The following ABCC5 variants were observed in gnomAD, a reference collection of about 807,000 sequenced individuals.
ABCC5 encodes the protein ATP binding cassette subfamily C member 5.
ABCC5 carries 61 observed loss-of-function variants against 160.9 expected under a neutral mutation model. The ratio of observed to expected loss-of-function variants is 0.38; its 90% CI spans 0.31 to 0.47. The LOEUF is 0.47. Among genes scored for constraint, ABCC5 ranks in the 20% least tolerant of loss-of-function variants. The pLI is 0.99. For synonymous variants in ABCC5, 666 were observed against 700.6 expected (o/e 0.95, Z 0.78); for missense variants, 1,308 against 1,813.3 (o/e 0.72, Z 5.06).
chr3:183,990,220 T>A (rs1218157678), intron 2 of ABCC5, among the ~76,000 whole-genome samples: 1 of 152,056 alleles, frequency 6.6e-6, no homozygotes, highest in Non-Finnish European at 1.5e-5. Context: ...GCAATTCTCA[T>A]GTCTCAGCCT....
chr3:183,940,176 A>G (rs1714158930), intron 25 of ABCC5, among the ~76,000 whole-genome samples: 1 of 152,124 alleles, frequency 6.6e-6, no homozygotes, highest in African/African-American at 2.4e-5. Context: ...TGGTCCGTCT[A>G]GCAGGATAGT....
intron 2 of ABCC5, among the ~76,000 whole-genome samples, chr3:183,994,538 G>T (rs1176452813): frequency 6.6e-6 from 1 of 152,094 alleles, no homozygotes; most frequent in African/African-American, 2.4e-5. Flanking sequence ...ACCACGCCTG[G>T]CTAATTTTTC....
At chr3:183,969,691 CAA>C (rs35014671) in intron 11 of ABCC5, among the ~76,000 whole-genome samples, 39 of 70,630 alleles carry the variant, frequency 5.5e-4, no homozygotes, top group Non-Finnish European at 5.4e-4. Flanking sequence ...GACTCTGTCT[CAA>C]AAAAAAAAAA....
chr3:183,936,018 G>C (rs1713677715), intron 26 of ABCC5, among the ~76,000 whole-genome samples: 1 of 152,136 alleles, frequency 6.6e-6, no homozygotes, highest in Non-Finnish European at 1.5e-5. Flanking sequence ...TGTGCCCCTA[G>C]AATTAAACTG....
chr3:183,995,840 C>A (rs1279496428), intron 2 of ABCC5, among the ~76,000 whole-genome samples: 1 of 152,196 alleles, frequency 6.6e-6, no homozygotes, highest in South Asian at 2.1e-4. Flanking sequence ...CAGAGTCTCA[C>A]TCTGTCGCCC....
In ABCC5 at chr3:183,919,972, A is replaced by AT. The variant is rs1437754690; in HGVS notation, c.*1327dup. 1 of 152,622 alleles carries AT rather than the reference A, an allele frequency of 6.6e-6. No homozygotes were observed. The highest frequency in any genetic ancestry group is 2.4e-5 in the African/African-American group (1 of 41,458). The allele number at this position is 152,622 out of a possible 1,614,324, so 9.5% of individuals were successfully genotyped here. On this transcript the variant is annotated 3_prime_UTR_variant, in exon 30 of 30. Transcript: ENST00000334444. ...AAAATAATTTTATTCACATTTTCAG[A>AT]TTTTTGCTTCCACAAGGTGTTCAGC...
intron 2 of ABCC5, among the ~76,000 whole-genome samples, chr3:184,003,286 G>A (rs1244745570): frequency 6.6e-6 from 1 of 151,914 alleles, no homozygotes; most frequent in Non-Finnish European, 1.5e-5. Flanking sequence ...TCCCAAGACC[G>A]GCTGACTTCA....
At chr3:183,967,995 C>T (rs1441430646) in intron 11 of ABCC5, among the ~76,000 whole-genome samples, 10 of 152,150 alleles carry the variant, frequency 6.6e-5, no homozygotes, top group African/African-American at 2.2e-4. Flanking sequence ...GTAAATATGC[C>T]GCACACATTC....
chr3:183,997,837 C>A (rs1720402384), intron 2 of ABCC5, among the ~76,000 whole-genome samples: 2 of 152,250 alleles, frequency 1.3e-5, no homozygotes, highest in African/African-American at 4.8e-5. Context: ...GGCTGGAATG[C>A]AGTGGCACAA....
intron 2 of ABCC5, among the ~76,000 whole-genome samples, chr3:183,994,376 ATT>A (rs34821185): frequency 5.3e-5 from 8 of 150,108 alleles, no homozygotes; most frequent in South Asian, 4.2e-4. Context: ...TGGTATTGGC[ATT>A]TTTTTTTTTA....
At chr3:184,016,251 G>A (rs1722182796) in intron 1 of ABCC5, among the ~76,000 whole-genome samples, 1 of 152,048 alleles carries the variant, frequency 6.6e-6, no homozygotes, top group Non-Finnish European at 1.5e-5. Context: ...CTATCCTAAG[G>A]GACTAAGTTA....
Position 183,951,664 on chromosome 3 carries a change from G to T in ABCC5, c.2815-94C>A, listed in dbSNP as rs563885669. On this transcript the variant is annotated intron_variant, in intron 19 of 29. Transcript: ENST00000334444. The surrounding 1 kb of genome is among the most constrained non-coding windows in gnomAD (Gnocchi z 4.7). ...TCCGCAGCACATCCACTCCCAAAGC[G>T]GGGAGGTGTGAGGGGTCAGGAGGGA... 5.8e-6 allele frequency: 9 copies of T among 1,541,300 alleles called. No individual in the cohort carries two copies. The highest frequency in any genetic ancestry group is 7.0e-6 in the Non-Finnish European group (8 of 1,140,660).
At chr3:183,996,543 T>C (rs981302434) in intron 2 of ABCC5, among the ~76,000 whole-genome samples, 1 of 152,200 alleles carries the variant, frequency 6.6e-6, no homozygotes, top group African/African-American at 2.4e-5. Flanking sequence ...AATCAAAGGC[T>C]CTTTTTAAAA....
chr3:183,985,099 G>C, intron 5 of ABCC5: 1 of 659,512 alleles, frequency 1.5e-6, no homozygotes, highest in East Asian at 2.7e-5. Flanking sequence ...CCAACACATC[G>C]GGTTTTTAAA....
At chr3:183,956,488 T>G (rs75490388) in intron 17 of ABCC5, among the ~76,000 whole-genome samples, 26,285 of 126,864 alleles carry the variant, frequency 0.21, 2,648 homozygotes, top group East Asian at 0.45. Context: ...ATATCACATC[T>G]GTTACATGCG....
intron 29 of ABCC5, among the ~76,000 whole-genome samples, chr3:183,923,383 G>C (rs1304618391): frequency 6.6e-6 from 1 of 152,110 alleles, no homozygotes; most frequent in Admixed American, 6.5e-5. Flanking sequence ...AGCACTTTGG[G>C]AGGCTGAGGT....
chr3:184,000,220 G>C (rs753299196), intron 2 of ABCC5, among the ~76,000 whole-genome samples: 1 of 151,694 alleles, frequency 6.6e-6, no homozygotes, highest in African/African-American at 2.4e-5. Context: ...AAGGGACACC[G>C]TTAGCCCCAG....
intron 15 of ABCC5, among the ~76,000 whole-genome samples, chr3:183,962,521 C>G (rs557570744): frequency 2.0e-5 from 3 of 151,600 alleles, no homozygotes; most frequent in Non-Finnish European, 4.4e-5. Flanking sequence ...AGCAGTTCCT[C>G]CAGTTTTTTT....
chr3:183,935,887 T>C (rs1577468971), intron 26 of ABCC5, among the ~76,000 whole-genome samples: 1 of 152,212 alleles, frequency 6.6e-6, no homozygotes, highest in African/African-American at 2.4e-5. Flanking sequence ...CAACCACAGA[T>C]ACAGTGCATG....
Sources: allele counts gnomAD v4.1 joint callset (sites outside exome capture counted in the v4.1 genomes callset), GRCh38; gene constraint gnomAD v4.1.1; non-coding constraint Gnocchi (gnomAD v3.1); transcripts MANE v1.5; gene names NCBI Gene and HGNC (gene_info 2026-07-23, HGNC 2026-07-21).